TTYH2: variants seen among roughly 807,000 people sequenced by gnomAD.
TTYH2 encodes tweety family member 2.
TTYH2 carries 49 observed loss-of-function variants against 68.3 expected under a neutral mutation model. The observed-to-expected ratio is 0.72, with a 90% CI of 0.57 to 0.91. The LOEUF (loss-of-function observed/expected upper bound fraction) is 0.91. TTYH2 is among the 40% of genes least tolerant of loss of function. The probability of loss-of-function intolerance (pLI) is 0.00; values close to 1 mark genes in which losing one functional copy is unlikely to be tolerated. For missense variants in TTYH2, 631 were observed against 700.4 expected, an observed-to-expected ratio of 0.90 and a Z score of 1.12; for synonymous variants, 272 against 300.8, an observed-to-expected ratio of 0.90 and a Z score of 0.99.
chr17:74,231,997 C>G (rs930306378), intron 3 of TTYH2, among the ~76,000 whole-genome samples: 62 of 152,316 alleles, frequency 4.1e-4, no homozygotes, highest in African/African-American at 1.4e-3. Context: ...TCCCTGAAAA[C>G]TGCCTCTGCC....
chr17:74,227,751 T>G lies in TTYH2; in HGVS notation c.303-3137T>G, dbSNP rs368838026. On this transcript the variant is annotated intron_variant, in intron 2 of 13. Coordinates refer to ENST00000269346, the MANE Select transcript of TTYH2 (RefSeq NM_032646.6). ...TACGTAAAGCATGCAGGAACCTTGT[T>G]TTTTTTTTTGTTTTTTTTTTAATGT... Among the ~76,000 whole-genome samples the G allele has an allele frequency of 1.3e-4, 16 of 127,734 alleles. 1 individual carries two copies. The highest frequency in any genetic ancestry group is 6.6e-4 in the African/African-American group (15 of 22,586). 83.8% of individuals were successfully genotyped at this position (127,734 alleles called of 152,430 possible).
chr17:74,231,782 G>A (rs968030751), intron 3 of TTYH2, among the ~76,000 whole-genome samples: 3 of 152,156 alleles, frequency 2.0e-5, no homozygotes, highest in Admixed American at 6.5e-5. Context: ...CTCCAGGTGG[G>A]GGCTCACAGT....
intron 4 of TTYH2, among the ~76,000 whole-genome samples, chr17:74,242,797 G>A (rs1188720838): frequency 6.6e-6 from 1 of 152,156 alleles, no homozygotes. Flanking sequence ...GCACCTTAGG[G>A]GCTGTGTTAG....
chr17:74,223,215 C>T (rs1282452311), intron 2 of TTYH2, among the ~76,000 whole-genome samples: 1 of 151,804 alleles, frequency 6.6e-6, no homozygotes, highest in Non-Finnish European at 1.5e-5. Flanking sequence ...CTTAAGCAAT[C>T]CTCCCACCTC....
chr17:74,259,164 T>C (rs986261115), intron 13 of TTYH2, among the ~76,000 whole-genome samples: 1 of 152,196 alleles, frequency 6.6e-6, no homozygotes. Flanking sequence ...TAAAGAGCTC[T>C]AAAAACACTG....
rs2050482484 is a variant in TTYH2, at chr17:74,239,953, T to A, written c.635+2439T>A. Among the ~76,000 whole-genome samples, 1 of 152,188 alleles carries A rather than the reference T, an allele frequency of 6.6e-6. No homozygotes were observed. Among genetic ancestry groups the A allele is most frequent in the Admixed American group, 6.5e-5 (1 of 15,274 alleles). ...CACACCTAGCAGAGGACTGTGTATG[T>A]TTAAGGGCCTCATGTGGGCATTTTG... is the stretch of plus-strand genomic sequence containing the variant. On this transcript the variant is annotated intron_variant, in intron 4 of 13. Coordinates refer to ENST00000269346, the MANE Select transcript of TTYH2 (RefSeq NM_032646.6). This position sits in a 1 kb window ranked among gnomAD's most constrained non-coding sequence, Gnocchi z 5.3.
intron 13 of TTYH2, among the ~76,000 whole-genome samples, chr17:74,254,842 T>C (rs2050676635): frequency 6.6e-6 from 1 of 152,244 alleles, no homozygotes; most frequent in Non-Finnish European, 1.5e-5. Context: ...CCTTGGTCTC[T>C]TTTGGGCTGG....
rs377550048 is a variant in TTYH2 at position 74,232,437 on chromosome 17, C to T, written c.414+1438C>T. The stretch of plus-strand genomic sequence containing the variant: ...TGGGACCCATCCCCTTAGCTGAGCG[C>T]TGAGTCCCAGTGCGGAGATGCTAGT... On this transcript the variant is annotated intron_variant, in intron 3 of 13. Coordinates refer to ENST00000269346, the MANE Select transcript of TTYH2 (RefSeq NM_032646.6). This position sits in a 1 kb window ranked among gnomAD's most constrained non-coding sequence, Gnocchi z 5.1. 3.2e-3 allele frequency among the ~76,000 whole-genome samples: 494 copies of T among 152,348 alleles called. 3 individuals carry two copies. Among genetic ancestry groups the T allele is most frequent in the African/African-American group, 0.011 (474 of 41,590 alleles).
At chr17:74,258,336 G>A (rs2050713538) in intron 13 of TTYH2, among the ~76,000 whole-genome samples, 1 of 151,198 alleles carries the variant, frequency 6.6e-6, no homozygotes. Context: ...CATAATCTCG[G>A]CTCACTGCAA....
In TTYH2 at chr17:74,232,183, G is replaced by T. The variant is rs1330346201; in HGVS notation, c.414+1184G>T. Among the ~76,000 whole-genome samples the T allele has an allele frequency of 6.6e-6, 1 of 152,210 alleles. No homozygotes were observed. The highest frequency in any genetic ancestry group is 1.5e-5 in the Non-Finnish European group (1 of 68,032). ...CATTGCCCCGGCATCCTCCAGAAGA[G>T]GATTGGACCCCATTTGCCCCCCTCC... On this transcript the variant is annotated intron_variant, in intron 3 of 13. Transcript: ENST00000269346. This position sits in a 1 kb window ranked among gnomAD's most constrained non-coding sequence, Gnocchi z 5.1.
intron 6 of TTYH2, among the ~76,000 whole-genome samples, chr17:74,247,589 C>T (rs1356217804): frequency 2.0e-5 from 3 of 152,146 alleles, no homozygotes; most frequent in Non-Finnish European, 2.9e-5. Context: ...CTGTCCCTCT[C>T]CTTTCTTGGT....
At chr17:74,251,365 T>C (rs1432057493) in intron 10 of TTYH2, among the ~76,000 whole-genome samples, 1 of 94,404 alleles carries the variant, frequency 1.1e-5, no homozygotes, top group Non-Finnish European at 2.3e-5. Flanking sequence ...TGTGTGTGCA[T>C]GTGGGGGGTG....
chr17:74,257,218 G>A (rs1175439390), intron 13 of TTYH2, among the ~76,000 whole-genome samples: 2 of 152,202 alleles, frequency 1.3e-5, no homozygotes, highest in Non-Finnish European at 2.9e-5. Flanking sequence ...ATCAGCAACT[G>A]ACCTTATTTG....
chr17:74,251,966 C>G (rs2050635031), intron 10 of TTYH2: 1 of 427,706 alleles, frequency 2.3e-6, no homozygotes, highest in Non-Finnish European at 4.2e-6. Flanking sequence ...CCCCACCCTG[C>G]AACCTCCTCC....
chr17:74,230,839 T>G, intron 2 of TTYH2, 49 bp from the exon 3 acceptor site: 1 of 1,584,580 alleles, frequency 6.3e-7, no homozygotes, highest in East Asian at 2.2e-5. Context: ...TAAGCAAACA[T>G]TCTCCTCTGT....
At chr17:74,218,262 C>G (rs376831512) in intron 1 of TTYH2, among the ~76,000 whole-genome samples, 1 of 152,094 alleles carries the variant, frequency 6.6e-6, no homozygotes, top group East Asian at 1.9e-4. Context: ...TTTCTTCTTC[C>G]CTTCCCAATT....
At chr17:74,237,744 A>G (rs1311576826) in intron 4 of TTYH2, among the ~76,000 whole-genome samples, 1 of 152,086 alleles carries the variant, frequency 6.6e-6, no homozygotes, top group African/African-American at 2.4e-5. Flanking sequence ...CTCTTGCCTC[A>G]GCCTCCCTCC....
At position 74,252,311 on chromosome 17, in the gene TTYH2, G is replaced by A; in HGVS notation, c.1194G>A (p.Leu398=). The part of the protein sequence containing the change: ...GLLYLGLFSF[L]AALAFSTMIC... The stretch of plus-strand genomic sequence containing the variant: ...TGTACCTTGGCCTCTTCTCCTTCCT[G>A]GCCGCCCTCGCCTTCTCCACCATGA... Residue 398 remains leucine (L), a synonymous_variant, in exon 11 of 14, where the codon CTG becomes CTA. Coordinates refer to ENST00000269346, the MANE Select transcript of TTYH2 (RefSeq NM_032646.6). 1 of 1,613,878 alleles carries A rather than the reference G, an allele frequency of 6.2e-7. No individual in the cohort carries two copies. Among genetic ancestry groups the A allele is most frequent in the Non-Finnish European group, 8.5e-7 (1 of 1,180,032 alleles).
intron 1 of TTYH2, among the ~76,000 whole-genome samples, chr17:74,219,735 G>A (rs983200273): frequency 2.6e-5 from 4 of 152,016 alleles, no homozygotes; most frequent in Admixed American, 6.6e-5. Context: ...CAGAAATACC[G>A]TCATGTGTGG....
Sources: gnomAD v4.1 joint callset for allele counts (sites outside exome capture counted in the v4.1 genomes callset) on GRCh38, gnomAD v4.1.1 for gene constraint, Gnocchi (gnomAD v3.1) non-coding constraint, MANE v1.5 for transcripts, NCBI Gene and HGNC (gene_info 2026-07-23, HGNC 2026-07-21) for gene names.